Variants in TMEM61 observed in about 807,000 individuals in gnomAD.
TMEM61 encodes the protein transmembrane protein 61.
TMEM61 carries 13 observed loss-of-function variants against 12.0 expected under a neutral mutation model. That is an observed-to-expected ratio of 1.08 (90% CI 0.70 to 1.72). TMEM61 has a LOEUF of 1.72. Among genes scored for constraint, TMEM61 ranks in the 40% most tolerant of loss-of-function variants. The pLI is 0.00. For missense variants in TMEM61, 249 were observed against 276.9 expected (o/e 0.90, Z 0.71); for synonymous variants, 109 against 121.4 (o/e 0.90, Z 0.67).
At position 54,986,328 on chromosome 1, in the gene TMEM61, A is replaced by G. The variant is rs201064478; in HGVS notation, c.247A>G (p.Ile83Val). The G allele has an allele frequency of 1.2e-6, 2 of 1,614,012 alleles. No individual in the cohort carries two copies. The highest frequency in any genetic ancestry group is 1.7e-6 in the Non-Finnish European group (2 of 1,180,020). ...CCGAGGLLLL[I>V]GLLWSVKASI... Reference sequence around the variant, plus strand: ...CGGTGCAGGTGGCCTGCTGCTGCTCATTGGCCTGCTGTGGTCCGTCAAGGC... The same window carrying G: ...CGGTGCAGGTGGCCTGCTGCTGCTCGTTGGCCTGCTGTGGTCCGTCAAGGC... Residue 83 changes from isoleucine to valine, a missense_variant, in exon 2 of 3, where the codon ATT becomes GTT. Physicochemically the swap from Ile to Val is conservative, Grantham distance 29. Transcript: ENST00000371268.
chr1:54,986,194 G>A lies in TMEM61; in HGVS notation c.113G>A (p.Trp38Ter). ...GCCGGGACGCTCTGCTTCGCTTGGT[G>A]GAGCGAAGGGGATGCAACCGCCCAG... ...LVAGTLCFAW[W>*]SEGDATAQPG... Residue 38 changes from tryptophan (W) to a stop codon, truncating the protein, a stop_gained, in exon 2 of 3, where the codon TGG becomes TAG. Coordinates refer to ENST00000371268, the MANE Select transcript of TMEM61 (RefSeq NM_182532.3). LOFTEE classifies it high-confidence loss of function. 1 of 1,613,810 alleles carries A rather than the reference G, an allele frequency of 6.2e-7. No individual in the cohort carries two copies. The highest frequency in any genetic ancestry group is 8.5e-7 in the Non-Finnish European group (1 of 1,179,934).
intron 2 of TMEM61, among the ~76,000 whole-genome samples, chr1:54,990,723 C>T (rs1393172158): frequency 2.0e-5 from 3 of 152,242 alleles, no homozygotes; most frequent in African/African-American, 4.8e-5. Context: ...CCCACAGGAG[C>T]CCCTTGAGAT....
chr1:54,990,936 C>T (rs912622094), intron 2 of TMEM61, among the ~76,000 whole-genome samples: 3 of 152,178 alleles, frequency 2.0e-5, no homozygotes, highest in African/African-American at 7.2e-5. Flanking sequence ...CAACCAGTGC[C>T]CAGACTCATA....
At chr1:54,985,547 C>G (rs992370504) in intron 1 of TMEM61, among the ~76,000 whole-genome samples, 1 of 152,204 alleles carries the variant, frequency 6.6e-6, no homozygotes, top group Non-Finnish European at 1.5e-5. Context: ...TGCTGAACAT[C>G]TTTTTCCATA....
Position 54,992,189 on chromosome 1 carries a change from T to TGCATAAGA in TMEM61, c.*86_*87insGCATAAGA. 1 of 1,488,416 alleles carries TGCATAAGA rather than the reference T, an allele frequency of 6.7e-7. No individual in the cohort carries two copies. Among genetic ancestry groups the TGCATAAGA allele is most frequent in the Non-Finnish European group, 9.0e-7 (1 of 1,109,614 alleles). 92.2% of individuals were successfully genotyped at this position (1,488,416 alleles called of 1,614,324 possible). On this transcript the variant is annotated 3_prime_UTR_variant, in exon 3 of 3. Coordinates refer to ENST00000371268, the MANE Select transcript of TMEM61 (RefSeq NM_182532.3). ...GCAGTGCCTGGGACACAGTAGGCACTCAGCAAACGTTCGTTGTTGAAGGCT... is the reference window on the plus strand; with the variant it reads ...GCAGTGCCTGGGACACAGTAGGCACTGCATAAGACAGCAAACGTTCGTTGTTGAAGGCT...
chr1:54,980,986 C>A lies in TMEM61; in HGVS notation c.-80C>A, dbSNP rs888559492. The A allele has an allele frequency of 2.0e-6, 3 of 1,466,364 alleles. No homozygotes were observed. Among genetic ancestry groups the A allele is most frequent in the Non-Finnish European group, 2.7e-6 (3 of 1,093,314 alleles). The allele number at this position is 1,466,364 out of a possible 1,614,324, so 90.8% of individuals were successfully genotyped here. A position where few individuals can be genotyped will look rare whatever the true frequency, so the allele number is the denominator to read the frequency against. On this transcript the variant is annotated 5_prime_UTR_variant, in exon 1 of 3. Coordinates refer to ENST00000371268, the MANE Select transcript of TMEM61 (RefSeq NM_182532.3). ...GGTCGCCGCTGGTAGGGTCGCTCAGCCCTGGCGTCCTCCACCACCACACCT... is the reference window on the plus strand; with the variant it reads ...GGTCGCCGCTGGTAGGGTCGCTCAGACCTGGCGTCCTCCACCACCACACCT...
intron 2 of TMEM61, among the ~76,000 whole-genome samples, chr1:54,990,437 G>C (rs1644288042): frequency 6.6e-6 from 1 of 152,198 alleles, no homozygotes; most frequent in East Asian, 1.9e-4. Context: ...CAGGTCCCCG[G>C]TGGGTGCTGG....
intron 1 of TMEM61, among the ~76,000 whole-genome samples, chr1:54,982,612 G>A (rs1409049417): frequency 1.3e-5 from 2 of 152,222 alleles, no homozygotes; most frequent in Non-Finnish European, 2.9e-5. Flanking sequence ...AGTTGCAGGG[G>A]CTAGTCTGAG....
At position 54,992,116 on chromosome 1, in the gene TMEM61, G is replaced by A. The variant is rs761486757; in HGVS notation, c.*13G>A. The A allele has an allele frequency of 6.2e-7, 1 of 1,605,854 alleles. No homozygotes were observed. The highest frequency in any genetic ancestry group is 1.7e-5 in the Admixed American group (1 of 59,908). On this transcript the variant is annotated 3_prime_UTR_variant, in exon 3 of 3. Coordinates refer to ENST00000371268, the MANE Select transcript of TMEM61 (RefSeq NM_182532.3). The stretch of plus-strand genomic sequence containing the variant: ...GGGAGGAAGTTAAAGGCTCCTAGCA[G>A]GTCCTGAATCCAGAGACAAAAATGC...
intron 2 of TMEM61, among the ~76,000 whole-genome samples, chr1:54,988,264 G>A (rs1376322650): frequency 6.6e-6 from 1 of 152,238 alleles, no homozygotes; most frequent in African/African-American, 2.4e-5. Flanking sequence ...GAGTGCAGGG[G>A]GTGGGTGTTG....
At chr1:54,991,268 C>G (rs1011218641) in intron 2 of TMEM61, among the ~76,000 whole-genome samples, 1 of 152,168 alleles carries the variant, frequency 6.6e-6, no homozygotes, top group African/African-American at 2.4e-5. Context: ...AGCAAACTGT[C>G]CAGAGATAGA....
chr1:54,983,245 C>G lies in TMEM61; in HGVS notation c.15+2165C>G, dbSNP rs188025972. 2.8e-3 allele frequency among the ~76,000 whole-genome samples: 430 copies of G among 151,764 alleles called. 7 individuals carry two copies. The South Asian group carries it at 0.033, about 12-fold the overall frequency. On this transcript the variant is annotated intron_variant, in intron 1 of 2. Transcript: ENST00000371268. ...TCTCGTGCCTCAGCATCCCGAGTAG[C>G]TGGGACTACAGGTGCCCACCACCAC... is the stretch of plus-strand genomic sequence containing the variant.
chr1:54,981,189 T>A, intron 1 of TMEM61, 109 bp downstream of exon 1: 5 of 1,275,528 alleles, frequency 3.9e-6, no homozygotes, highest in Non-Finnish European at 5.4e-6. Context: ...TGGTGGGCAG[T>A]GTGGACACCC....
intron 2 of TMEM61, among the ~76,000 whole-genome samples, chr1:54,991,037 C>G (rs906987129): frequency 3.3e-5 from 5 of 152,224 alleles, no homozygotes; most frequent in African/African-American, 1.2e-4. Context: ...ACCCCACTCC[C>G]CACTGTGTGT....
At chr1:54,987,879 CA>C (rs1644270890) in intron 2 of TMEM61, among the ~76,000 whole-genome samples, 1 of 152,218 alleles carries the variant, frequency 6.6e-6, no homozygotes, top group Admixed American at 6.5e-5. Context: ...CCTGTTTTAA[CA>C]GGGAAAATGT....
At chr1:54,981,241 C>A (rs1570255071) in intron 1 of TMEM61, among the ~76,000 whole-genome samples, 161 bp downstream of exon 1, 1 of 152,214 alleles carries the variant, frequency 6.6e-6, no homozygotes, top group African/African-American at 2.4e-5. Context: ...GGCTTGAGGC[C>A]ATGGCACTCA....
At chr1:54,982,557 C>T (rs1009819730) in intron 1 of TMEM61, among the ~76,000 whole-genome samples, 2 of 151,564 alleles carry the variant, frequency 1.3e-5, no homozygotes, top group Non-Finnish European at 2.9e-5. Context: ...GAGCGAGACC[C>T]ACACAGAAAA....
At chr1:54,985,951 A>C in intron 1 of TMEM61, 146 bp from the exon 2 acceptor site, 1 of 665,250 alleles carries the variant, frequency 1.5e-6, no homozygotes, top group Admixed American at 3.3e-5. Flanking sequence ...CATCATCTCC[A>C]CTTCACAGAT....
At chr1:54,989,336 A>G (rs1234734902) in intron 2 of TMEM61, among the ~76,000 whole-genome samples, 1 of 152,196 alleles carries the variant, frequency 6.6e-6, no homozygotes, top group Non-Finnish European at 1.5e-5. Context: ...GTGGTTGTGA[A>G]TATGAAAGGA....
Sources: allele counts gnomAD v4.1 joint callset (sites outside exome capture counted in the v4.1 genomes callset), GRCh38; gene constraint gnomAD v4.1.1; transcripts MANE v1.5; gene names NCBI Gene and HGNC (gene_info 2026-07-23, HGNC 2026-07-21).